ANGPT2: variants seen among roughly 807,000 people sequenced by gnomAD.
ANGPT2 encodes the protein angiopoietin-2.
Under a neutral mutation model 62.9 loss-of-function variants are expected in ANGPT2, and 28 were observed. The ratio of observed to expected loss-of-function variants is 0.44; its 90% CI spans 0.33 to 0.61. The LOEUF (loss-of-function observed/expected upper bound fraction) is 0.61, where lower values mean the gene tolerates loss of function less well. Among genes scored for constraint, ANGPT2 ranks in the 20% least tolerant of loss-of-function variants. The pLI is 0.03. For synonymous variants in ANGPT2, 284 were observed against 207.8 expected (o/e 1.37, Z -3.15); for missense variants, 727 against 594.9 (o/e 1.22, Z -2.31).
chr8:6,512,788 T>A (rs1024244037), intron 7 of ANGPT2, among the ~76,000 whole-genome samples: 3 of 152,244 alleles, frequency 2.0e-5, no homozygotes, highest in Non-Finnish European at 2.9e-5. Flanking sequence ...CTATTACTTA[T>A]GATTATTGCT....
chr8:6,509,666 C>T lies in ANGPT2; in HGVS notation c.1197-604G>A, dbSNP rs562670044. On this transcript the variant is annotated intron_variant, in intron 7 of 8. Coordinates refer to ENST00000629816, the MANE Select transcript of ANGPT2 (RefSeq NM_001118887.2). ...AGTTAGACACTATTTACAATACAGA[C>T]GATCCCTGACTTCCCATGGGGCTAT... is the stretch of plus-strand genomic sequence containing the variant. Among the ~76,000 whole-genome samples, 9 of 152,284 alleles carry T rather than the reference C, an allele frequency of 5.9e-5. No individual in the cohort carries two copies. The South Asian group carries it at 6.2e-4, about 11-fold the overall frequency.
intron 7 of ANGPT2, among the ~76,000 whole-genome samples, chr8:6,512,950 G>T (rs914112465): frequency 6.6e-6 from 1 of 152,168 alleles, no homozygotes; most frequent in Non-Finnish European, 1.5e-5. Flanking sequence ...GAAGACAATT[G>T]AATGTGTTTA....
chr8:6,542,210 G>A (rs1274385214), intron 1 of ANGPT2, among the ~76,000 whole-genome samples: 1 of 152,082 alleles, frequency 6.6e-6, no homozygotes, highest in African/African-American at 2.4e-5. Flanking sequence ...ATGTCTCAGT[G>A]TTTTTCTATG....
chr8:6,541,459 T>C (rs983717321), intron 1 of ANGPT2, among the ~76,000 whole-genome samples: 14 of 151,954 alleles, frequency 9.2e-5, no homozygotes, highest in South Asian at 4.2e-4. Flanking sequence ...TTCTAGTAGA[T>C]TGGGGCAGGG....
At position 6,562,652 on chromosome 8, in the gene ANGPT2, T is replaced by C; in HGVS notation, c.283A>G (p.Met95Val). Residue 95 changes from methionine (M) to valine (V), a missense_variant, in exon 1 of 9, where the codon ATG (methionine) becomes GTG (valine). By Grantham distance (21) the Met-to-Val change is conservative (BLOSUM62 1). Coordinates refer to ENST00000629816, the MANE Select transcript of ANGPT2 (RefSeq NM_001118887.2). Reference protein sequence around the residue: ...NIMENNTQWLMKLENYIQDNM... With the variant: ...NIMENNTQWLVKLENYIQDNM... ...CAGATGGATTTTTTTCCTACCTTCA[T>C]TAGCCACTGAGTGTTGTTTTCCATG... The C allele has an allele frequency of 6.4e-7, 1 of 1,571,304 alleles. No individual in the cohort carries two copies.
chr8:6,562,571 T>TTTTTTTTTTTTTTTTTTTTTTAAAAAA, intron 1 of ANGPT2, 76 bp downstream of exon 1: 1 of 417,078 alleles, frequency 2.4e-6, no homozygotes. Context: ...TTTTTTTTTT[T>TTTTTTTTTTTTTTTTTTTTTTAAAAAA]GGTTGTTAAA....
chr8:6,506,142 G>A (rs1813686858), intron 8 of ANGPT2, among the ~76,000 whole-genome samples: 1 of 150,960 alleles, frequency 6.6e-6, no homozygotes, highest in African/African-American at 2.4e-5. Context: ...ATTTGATTCA[G>A]GTGAATGCAG....
chr8:6,538,062 A>C (rs1290665617), intron 1 of ANGPT2, among the ~76,000 whole-genome samples: 1 of 152,004 alleles, frequency 6.6e-6, no homozygotes, highest in South Asian at 2.1e-4. Flanking sequence ...TGCCCATTTC[A>C]ATTTCGAAAT....
intron 1 of ANGPT2, among the ~76,000 whole-genome samples, chr8:6,543,094 C>T (rs907623325): frequency 1.3e-5 from 2 of 151,950 alleles, no homozygotes; most frequent in South Asian, 2.1e-4. Flanking sequence ...TGGACAGAAA[C>T]CCCCGCAACT....
intron 1 of ANGPT2, among the ~76,000 whole-genome samples, chr8:6,543,612 A>T (rs1822001803): frequency 6.6e-6 from 1 of 151,992 alleles, no homozygotes. Context: ...TTCCTCTTTG[A>T]TTTTTGTGTT....
chr8:6,562,080 TC>T (rs1385934171), intron 1 of ANGPT2, among the ~76,000 whole-genome samples: 1 of 152,220 alleles, frequency 6.6e-6, no homozygotes, highest in East Asian at 1.9e-4. Flanking sequence ...GCCCTGAGAT[TC>T]TGAGAAACAT....
chr8:6,530,344 C>A (rs1383886304), intron 2 of ANGPT2, among the ~76,000 whole-genome samples: 2 of 152,000 alleles, frequency 1.3e-5, no homozygotes, highest in Non-Finnish European at 2.9e-5. Context: ...CCTGTCTCTA[C>A]TAAAAATACA....
At chr8:6,520,450 G>T (rs1397248459) in intron 4 of ANGPT2, among the ~76,000 whole-genome samples, 6 of 152,120 alleles carry the variant, frequency 3.9e-5, no homozygotes, top group Non-Finnish European at 7.3e-5. Context: ...ATAGTGGGGT[G>T]CAGTGACACA....
intron 1 of ANGPT2, among the ~76,000 whole-genome samples, chr8:6,550,219 C>T (rs1369520553): frequency 6.6e-6 from 1 of 152,232 alleles, no homozygotes; most frequent in Non-Finnish European, 1.5e-5. Context: ...CTGGCTACCG[C>T]TAGGTGGCTG....
At chr8:6,541,231 G>C (rs10088229) in intron 1 of ANGPT2, among the ~76,000 whole-genome samples, 1,942 of 152,290 alleles carry the variant, frequency 0.013, 53 homozygotes, top group African/African-American at 0.043. Context: ...ACACAGCAGG[G>C]GATGCTTTGA....
chr8:6,533,278 T>C (rs1036423047), intron 1 of ANGPT2, among the ~76,000 whole-genome samples: 2 of 152,240 alleles, frequency 1.3e-5, no homozygotes, highest in Non-Finnish European at 2.9e-5. Flanking sequence ...AGAAGCTCAT[T>C]TCACTGCCAT....
intron 1 of ANGPT2, among the ~76,000 whole-genome samples, chr8:6,558,243 A>G (rs1313302283): frequency 6.6e-6 from 1 of 152,222 alleles, no homozygotes; most frequent in African/African-American, 2.4e-5. Context: ...AAAATCTCTG[A>G]GTGCTAATCT....
chr8:6,551,583 G>A (rs750749094), intron 1 of ANGPT2, among the ~76,000 whole-genome samples: 4 of 152,010 alleles, frequency 2.6e-5, no homozygotes, highest in African/African-American at 2.4e-5. Context: ...TAACATTTTT[G>A]TCCCAGTCAT....
chr8:6,513,089 A>C (rs1021978855), intron 7 of ANGPT2, among the ~76,000 whole-genome samples: 3 of 152,242 alleles, frequency 2.0e-5, no homozygotes, highest in Admixed American at 6.5e-5. Flanking sequence ...GATTTTACAA[A>C]TACCTATGAA....
Sources: gnomAD v4.1 joint callset for allele counts (sites outside exome capture counted in the v4.1 genomes callset) on GRCh38, gnomAD v4.1.1 for gene constraint, MANE v1.5 for transcripts, NCBI Gene and HGNC (gene_info 2026-07-23, HGNC 2026-07-21) for gene names.